The following TSHZ1 variants were observed in gnomAD, a reference collection of about 807,000 sequenced individuals.
TSHZ1 encodes the protein teashirt homolog 1.
In TSHZ1, 12 loss-of-function variants were observed where a neutral mutation model predicts 67.1. The ratio of observed to expected loss-of-function variants is 0.18; its 90% CI spans 0.11 to 0.29. TSHZ1 has a LOEUF of 0.29. Among genes scored for constraint, TSHZ1 ranks in the 10% least tolerant of loss-of-function variants. The probability of loss-of-function intolerance (pLI) is 1.00; values close to 1 mark genes in which losing one functional copy is unlikely to be tolerated. For missense variants in TSHZ1, 1,305 were observed against 1,413.9 expected (o/e 0.92, Z 1.23); for synonymous variants, 632 against 622.4 (o/e 1.02, Z -0.23).
intron 1 of TSHZ1, among the ~76,000 whole-genome samples, chr18:75,277,319 A>C (rs772719287): frequency 1.3e-5 from 2 of 152,188 alleles, no homozygotes; most frequent in African/African-American, 4.8e-5. Flanking sequence ...GCAGGTTCCC[A>C]TAGCCACAGG....
intron 1 of TSHZ1, among the ~76,000 whole-genome samples, chr18:75,239,001 G>T (rs981790015): frequency 6.6e-6 from 1 of 152,234 alleles, no homozygotes; most frequent in African/African-American, 2.4e-5. Flanking sequence ...TCTGCACAAG[G>T]CTGCAGGCCC....
rs1171841652 is a variant in TSHZ1 at position 75,240,674 on chromosome 18, G to A, written c.40+28758G>A. On this transcript the variant is annotated intron_variant, in intron 1 of 1. Transcript: ENST00000580243. ...GCTGGTCCTCCTCCCCAGCGGGGGC[G>A]CCCGTGAGCTCCTCTGATGCTTCTG... is the stretch of plus-strand genomic sequence containing the variant. 3.3e-5 allele frequency among the ~76,000 whole-genome samples: 5 copies of A among 152,122 alleles called. No homozygotes were observed. The East Asian group carries it at 7.7e-4, about 23-fold the overall frequency.
At chr18:75,253,627 C>T (rs1277725970) in intron 1 of TSHZ1, among the ~76,000 whole-genome samples, 1 of 152,166 alleles carries the variant, frequency 6.6e-6, no homozygotes, top group East Asian at 1.9e-4. Context: ...TGAAGGCTGA[C>T]TGTTTAAAAA....
chr18:75,285,625 G>T lies in TSHZ1; in HGVS notation c.218G>T (p.Gly73Val). 1 of 1,613,328 alleles carries T rather than the reference G, an allele frequency of 6.2e-7. No homozygotes were observed. Among genetic ancestry groups the T allele is most frequent in the Non-Finnish European group, 8.5e-7 (1 of 1,179,594 alleles). Residue 73 changes from glycine to valine, a missense_variant, in exon 2 of 2, where the codon GGC (glycine) becomes GTC (valine). Gly to Val is a moderately radical substitution (Grantham distance 109, BLOSUM62 -3). This residue lies in a region of TSHZ1 where 358 missense variants were observed against 375.6 expected (regional missense o/e 0.95). Coordinates refer to ENST00000580243, the MANE Select transcript of TSHZ1 (RefSeq NM_001308210.2). ...PVSSATNQDA[G>V]YGSPFSESSD... is the part of the protein sequence containing the mutation. Reference sequence around the variant, plus strand: ...AGCTCTGCGACTAACCAGGACGCCGGCTACGGGTCGCCCTTCAGTGAGAGC... The same window carrying T: ...AGCTCTGCGACTAACCAGGACGCCGTCTACGGGTCGCCCTTCAGTGAGAGC...
At position 75,281,815 on chromosome 18, in the gene TSHZ1, G is replaced by C. The variant is rs1025426136; in HGVS notation, c.41-3633G>C. 6.6e-6 allele frequency among the ~76,000 whole-genome samples: 1 copy of C among 152,094 alleles called. No homozygotes were observed. Among genetic ancestry groups the C allele is most frequent in the East Asian group, 1.9e-4 (1 of 5,174 alleles). ...CCTCCAGATGGCATCTGGAAGGGGG[G>C]CATGCTAGGTGCGGGCAGGGAGAGC... On this transcript the variant is annotated intron_variant, in intron 1 of 1. Transcript: ENST00000580243. This position sits in a 1 kb window ranked among gnomAD's most constrained non-coding sequence, Gnocchi z 5.3.
intron 1 of TSHZ1, among the ~76,000 whole-genome samples, chr18:75,217,449 T>G (rs190802407): frequency 6.6e-6 from 1 of 152,204 alleles, no homozygotes; most frequent in Non-Finnish European, 1.5e-5. Flanking sequence ...AGTAGTGTTT[T>G]TGTTTGTTTT....
chr18:75,227,547 T>C (rs952457922), intron 1 of TSHZ1, among the ~76,000 whole-genome samples: 7 of 152,224 alleles, frequency 4.6e-5, no homozygotes, highest in African/African-American at 1.2e-4. Flanking sequence ...TGTGAAAATA[T>C]AAAAGCATTT....
At chr18:75,270,678 T>C (rs1031148948) in intron 1 of TSHZ1, among the ~76,000 whole-genome samples, 10 of 152,240 alleles carry the variant, frequency 6.6e-5, no homozygotes, top group Admixed American at 2.6e-4. Context: ...TGCATGTGTA[T>C]ACTGTTTTCT....
chr18:75,239,016 C>T (rs9962187), intron 1 of TSHZ1, among the ~76,000 whole-genome samples: 2,169 of 152,356 alleles, frequency 0.014, 34 homozygotes, highest in Middle Eastern at 0.054. Context: ...AGGCCCACGA[C>T]GCTGCCCAGG....
At chr18:75,269,893 T>G (rs1017966598) in intron 1 of TSHZ1, among the ~76,000 whole-genome samples, 3 of 152,156 alleles carry the variant, frequency 2.0e-5, no homozygotes, top group African/African-American at 7.2e-5. Context: ...TGGAAACAGA[T>G]TCCGACAGGG....
In TSHZ1 at chr18:75,285,664, C is replaced by T. The variant is rs1412847972; in HGVS notation, c.257C>T (p.Ala86Val). 2 of 1,614,060 alleles carry T rather than the reference C, an allele frequency of 1.2e-6. No homozygotes were observed. The highest frequency in any genetic ancestry group is 2.2e-5 in the South Asian group (2 of 91,074). ...TTCAGTGAGAGCAGCGACCAGCTAGCCCATTTCAAAGGCTCTTCCTCTCGA... is the reference window on the plus strand; with the variant it reads ...TTCAGTGAGAGCAGCGACCAGCTAGTCCATTTCAAAGGCTCTTCCTCTCGA... ...SPFSESSDQL[A>V]HFKGSSSREE... Residue 86 changes from alanine to valine, a missense_variant, in exon 2 of 2, where the codon GCC (alanine) becomes GTC (valine). Physicochemically the swap from Ala to Val is moderately conservative, Grantham distance 64. This residue lies in a region of TSHZ1 where 358 missense variants were observed against 375.6 expected (regional missense o/e 0.95). Coordinates refer to ENST00000580243, the MANE Select transcript of TSHZ1 (RefSeq NM_001308210.2).
intron 1 of TSHZ1, among the ~76,000 whole-genome samples, chr18:75,223,919 C>G (rs1309613443): frequency 6.6e-6 from 1 of 152,114 alleles, no homozygotes; most frequent in Non-Finnish European, 1.5e-5. Context: ...TCAACCATGA[C>G]TGACAGTCAT....
chr18:75,261,047 C>T (rs9953322), intron 1 of TSHZ1, among the ~76,000 whole-genome samples: 2,052 of 152,068 alleles, frequency 0.013, 30 homozygotes, highest in Middle Eastern at 0.054. Flanking sequence ...GAAACTGTAT[C>T]ACTTCCGCTC....
At chr18:75,216,941 C>T (rs1419826467) in intron 1 of TSHZ1, among the ~76,000 whole-genome samples, 1 of 152,218 alleles carries the variant, frequency 6.6e-6, no homozygotes, top group Non-Finnish European at 1.5e-5. Flanking sequence ...CCAGACTCAC[C>T]GAGGAGGAGG....
intron 1 of TSHZ1, among the ~76,000 whole-genome samples, chr18:75,275,580 C>T (rs1185494766): frequency 6.6e-6 from 1 of 152,168 alleles, no homozygotes; most frequent in Non-Finnish European, 1.5e-5. Flanking sequence ...GGGGCGAGCC[C>T]TACCCTGGCT....
At chr18:75,254,921 C>T (rs1164708068) in intron 1 of TSHZ1, among the ~76,000 whole-genome samples, 1 of 152,126 alleles carries the variant, frequency 6.6e-6, no homozygotes, top group African/African-American at 2.4e-5. Flanking sequence ...GGTAAACTCC[C>T]AATTATCCAG....
chr18:75,262,825 C>T (rs990829888), intron 1 of TSHZ1, among the ~76,000 whole-genome samples: 4 of 152,172 alleles, frequency 2.6e-5, no homozygotes, highest in African/African-American at 9.7e-5. Flanking sequence ...AGCATTACCA[C>T]CCTCTCTTCC....
intron 1 of TSHZ1, among the ~76,000 whole-genome samples, chr18:75,278,715 CA>C (rs1462978578): frequency 1.3e-5 from 2 of 152,024 alleles, no homozygotes; most frequent in African/African-American, 4.8e-5. Flanking sequence ...TCAGCTGTGA[CA>C]GGGGAGATCA....
In TSHZ1 at chr18:75,289,667, C is replaced by T. The variant is rs2122632067; in HGVS notation, c.*1026C>T. ...TATATTGTCATTTTATATTAAATTT[C>T]TGTGTATATAATGTAAAACCACAAT... On this transcript the variant is annotated 3_prime_UTR_variant, in exon 2 of 2. Transcript: ENST00000580243. The T allele has an allele frequency of 6.0e-6, 1 of 167,098 alleles. No homozygotes were observed. The highest frequency in any genetic ancestry group is 6.5e-5 in the Admixed American group (1 of 15,292). The allele number at this position is 167,098 out of a possible 1,614,324, so 10.4% of individuals were successfully genotyped here.
Sources: gnomAD v4.1 joint callset for allele counts (sites outside exome capture counted in the v4.1 genomes callset) on GRCh38, gnomAD v4.1.1 for gene constraint, gnomAD v4.1.1 regional missense constraint, Gnocchi (gnomAD v3.1) non-coding constraint, MANE v1.5 for transcripts, NCBI Gene and HGNC (gene_info 2026-07-23, HGNC 2026-07-21) for gene names.